IFT80: variants seen among roughly 807,000 people sequenced by gnomAD.
IFT80 encodes intraflagellar transport 80.
Under a neutral mutation model 107.9 loss-of-function variants are expected in IFT80, and 79 were observed. That is an observed-to-expected ratio of 0.73 (90% confidence interval 0.61 to 0.88). The LOEUF is 0.88. Among genes scored for constraint, IFT80 ranks in the 40% least tolerant of loss-of-function variants. The pLI is 0.00. For synonymous variants in IFT80, 299 were observed against 300.9 expected, an observed-to-expected ratio of 0.99 and a Z score of 0.07; for missense variants, 797 against 914.2, an observed-to-expected ratio of 0.87 and a Z score of 1.65.
At chr3:160,324,314 G>C (rs1718505318) in intron 8 of IFT80, among the ~76,000 whole-genome samples, 4 of 152,100 alleles carry the variant, frequency 2.6e-5, no homozygotes, top group Admixed American at 2.6e-4. Context: ...AAGCCGGGTG[G>C]AGACACAACC....
At chr3:160,390,555 A>C (rs955062969) in intron 1 of IFT80, among the ~76,000 whole-genome samples, 4 of 152,232 alleles carry the variant, frequency 2.6e-5, no homozygotes, top group African/African-American at 9.6e-5. Context: ...GTGAGTTCCA[A>C]AAAAACTTAG....
chr3:160,364,870 G>A (rs1440230723), intron 6 of IFT80, among the ~76,000 whole-genome samples: 1 of 151,948 alleles, frequency 6.6e-6, no homozygotes, highest in African/African-American at 2.4e-5. Context: ...GGGGCTGGGG[G>A]AGGGATAGCA....
chr3:160,320,458 T>TATA (rs1286991362), intron 8 of IFT80, among the ~76,000 whole-genome samples: 1 of 151,686 alleles, frequency 6.6e-6, no homozygotes, highest in Non-Finnish European at 1.5e-5. Flanking sequence ...CTGCAGTGAG[T>TATA]ATAACCTCTC....
At chr3:160,266,470 C>A (rs1271099953) in intron 19 of IFT80, among the ~76,000 whole-genome samples, 1 of 151,900 alleles carries the variant, frequency 6.6e-6, no homozygotes, top group African/African-American at 2.4e-5. Flanking sequence ...TCACTTCAGC[C>A]TTGACCTCCC....
At chr3:160,369,071 T>C (rs1419328924) in intron 5 of IFT80, among the ~76,000 whole-genome samples, 1 of 152,000 alleles carries the variant, frequency 6.6e-6, no homozygotes, top group East Asian at 1.9e-4. Flanking sequence ...ACCATTTCCT[T>C]GTTTATGAAC....
Position 160,312,619 on chromosome 3 carries a change from T to A in IFT80, c.958-4838A>T, listed in dbSNP as rs1277869428. ...TAAATATATATTATATATAAATATA[T>A]AATATATATATATAATAAATATATA... On this transcript the variant is annotated intron_variant, in intron 9 of 19. Transcript: ENST00000326448. 4.8e-5 allele frequency among the ~76,000 whole-genome samples: 3 copies of A among 63,094 alleles called. No individual in the cohort carries two copies. In the East Asian group the frequency reaches 1.0e-3, roughly 21 times the overall value. The allele number at this position is 63,094 out of a possible 152,430, so 41.4% of individuals were successfully genotyped here.
At chr3:160,375,784 A>G in intron 5 of IFT80, 28 bp downstream of exon 5, 1 of 1,563,114 alleles carries the variant, frequency 6.4e-7, no homozygotes, top group Non-Finnish European at 8.8e-7. Context: ...TAATTTGCAA[A>G]AATGAAATTG....
chr3:160,285,985 A>C, intron 12 of IFT80, 117 bp from the exon 13 acceptor site: 1 of 651,240 alleles, frequency 1.5e-6, no homozygotes, highest in Non-Finnish European at 2.7e-6. Flanking sequence ...CCACAGAGAG[A>C]GCAGCAGCAT....
intron 7 of IFT80, among the ~76,000 whole-genome samples, chr3:160,356,578 T>G (rs1721107719): frequency 6.6e-6 from 1 of 152,192 alleles, no homozygotes; most frequent in African/African-American, 2.4e-5. Flanking sequence ...TGGAGTACAG[T>G]AGCATGATCA....
At chr3:160,356,185 T>G (rs1044880806) in intron 7 of IFT80, 35 bp from the exon 8 acceptor site, 1 of 1,595,834 alleles carries the variant, frequency 6.3e-7, no homozygotes, top group African/African-American at 1.3e-5. Context: ...TTTTATAATA[T>G]CAGGGAGAAG....
chr3:160,346,283 G>A (rs139792301), intron 8 of IFT80, among the ~76,000 whole-genome samples: 621 of 152,232 alleles, frequency 4.1e-3, no homozygotes, highest in Non-Finnish European at 6.5e-3. Context: ...AAAATGTTAT[G>A]TAAGGTGATA....
At chr3:160,340,374 GA>G (rs1207056692) in intron 8 of IFT80, among the ~76,000 whole-genome samples, 2 of 152,126 alleles carry the variant, frequency 1.3e-5, no homozygotes, top group South Asian at 4.1e-4. Flanking sequence ...TAGAGCCTTA[GA>G]AAAACATAAT....
intron 8 of IFT80, among the ~76,000 whole-genome samples, chr3:160,334,500 T>A (rs187477386): frequency 6.7e-6 from 1 of 150,034 alleles, no homozygotes; most frequent in African/African-American, 2.5e-5. Flanking sequence ...CACTGCAACC[T>A]CCGCCTCCCA....
Position 160,258,360 on chromosome 3 carries a change from A to G in IFT80, c.*165T>C. On this transcript the variant is annotated 3_prime_UTR_variant, in exon 20 of 20. Transcript: ENST00000326448. Reference sequence around the variant, plus strand: ...TATAAAAGATAGAAATACATCAATTACTTTGTGTTTCATCTTTCTGCATGT... The same window carrying G: ...TATAAAAGATAGAAATACATCAATTGCTTTGTGTTTCATCTTTCTGCATGT... 2.5e-6 allele frequency: 2 copies of G among 806,198 alleles called. No individual in the cohort carries two copies. The highest frequency in any genetic ancestry group is 3.9e-6 in the Non-Finnish European group (2 of 512,568). 49.9% of individuals were successfully genotyped at this position (806,198 alleles called of 1,614,324 possible).
At chr3:160,367,824 T>C (rs1027661522) in intron 5 of IFT80, among the ~76,000 whole-genome samples, 2 of 152,050 alleles carry the variant, frequency 1.3e-5, no homozygotes, top group Non-Finnish European at 2.9e-5. Context: ...CTATACTTTA[T>C]GTAAGCCTAG....
chr3:160,377,061 G>A (rs1209356816), intron 4 of IFT80, among the ~76,000 whole-genome samples: 2 of 152,170 alleles, frequency 1.3e-5, no homozygotes, highest in African/African-American at 4.8e-5. Context: ...ATGAGCAATA[G>A]AAAACTAATG....
intron 6 of IFT80, among the ~76,000 whole-genome samples, chr3:160,362,394 A>G (rs1286400401): frequency 6.6e-6 from 1 of 152,232 alleles, no homozygotes; most frequent in African/African-American, 2.4e-5. Flanking sequence ...ACCAACCAAA[A>G]AAAGTCCAGG....
chr3:160,262,555 G>A (rs1576716099), intron 19 of IFT80, among the ~76,000 whole-genome samples: 2 of 152,160 alleles, frequency 1.3e-5, no homozygotes, highest in Admixed American at 6.5e-5. Context: ...CTTGGGCTTG[G>A]CTTACATGAT....
chr3:160,356,596 C>T (rs1201709711), intron 7 of IFT80, among the ~76,000 whole-genome samples: 1 of 152,198 alleles, frequency 6.6e-6, no homozygotes, highest in Non-Finnish European at 1.5e-5. Flanking sequence ...TCATAGCTCA[C>T]TGCAGTCTTG....
Sources: gnomAD v4.1 joint callset for allele counts (sites outside exome capture counted in the v4.1 genomes callset) on GRCh38, gnomAD v4.1.1 for gene constraint, MANE v1.5 for transcripts, NCBI Gene and HGNC (gene_info 2026-07-23, HGNC 2026-07-21) for gene names.